Variants in CDH18 observed in about 807,000 individuals in gnomAD.
The protein encoded by CDH18 is cadherin-18.
In CDH18, 31 loss-of-function variants were observed where a neutral mutation model predicts 67.9. The ratio of observed to expected loss-of-function variants is 0.46; its 90% CI spans 0.34 to 0.62. The LOEUF (loss-of-function observed/expected upper bound fraction) is 0.62, where lower values mean the gene tolerates loss of function less well. Among genes scored for constraint, CDH18 ranks in the 20% least tolerant of loss-of-function variants. CDH18 has a pLI of 0.01. For missense variants in CDH18, 890 were observed against 975.5 expected (o/e 0.91, Z 1.17); for synonymous variants, 362 against 347.2 (o/e 1.04, Z -0.48).
At chr5:19,489,517 G>A (rs756429240) in intron 11 of CDH18, among the ~76,000 whole-genome samples, 2 of 151,986 alleles carry the variant, frequency 1.3e-5, no homozygotes, top group African/African-American at 2.4e-5. Flanking sequence ...ATAGTGCTGG[G>A]ATTACAGGTG....
intron 2 of CDH18, among the ~76,000 whole-genome samples, chr5:20,196,200 C>A (rs947064709): frequency 2.0e-5 from 3 of 152,058 alleles, no homozygotes. Context: ...CACCTAACAG[C>A]AGTATTTTGA....
intron 2 of CDH18, among the ~76,000 whole-genome samples, chr5:20,164,856 A>C (rs1736168143): frequency 6.6e-6 from 1 of 152,162 alleles, no homozygotes. Context: ...TGTTTGCATA[A>C]CCCATCTCAT....
intron 2 of CDH18, among the ~76,000 whole-genome samples, chr5:19,936,636 A>T (rs1373624178): frequency 2.0e-5 from 3 of 151,158 alleles, no homozygotes. Context: ...AAGAAAAAAA[A>T]TAAAAACTAG....
chr5:19,804,063 G>A (rs1581421857), intron 3 of CDH18: 1 of 151,446 alleles, frequency 6.6e-6, no homozygotes, highest in Non-Finnish European at 1.5e-5. Context: ...GGAGCTTGCA[G>A]TGAGCGGAGA....
At chr5:19,682,183 C>T (rs888425349) in intron 5 of CDH18, among the ~76,000 whole-genome samples, 3 of 152,058 alleles carry the variant, frequency 2.0e-5, no homozygotes, top group African/African-American at 7.2e-5. Flanking sequence ...GACAGCTGCT[C>T]CCTCTTCAAT....
chr5:19,821,083 C>T (rs1047414014), intron 3 of CDH18, among the ~76,000 whole-genome samples: 9 of 152,020 alleles, frequency 5.9e-5, no homozygotes, highest in Admixed American at 1.3e-4. Flanking sequence ...CACTAGCTCC[C>T]CGGCAATGGA....
chr5:19,770,567 C>A (rs1345221446), intron 3 of CDH18, among the ~76,000 whole-genome samples: 1 of 151,398 alleles, frequency 6.6e-6, no homozygotes, highest in Non-Finnish European at 1.5e-5. Context: ...AGTATGCCAG[C>A]TAAGAAAACT....
chr5:19,479,528 T>C (rs1225182704), intron 12 of CDH18, among the ~76,000 whole-genome samples: 7 of 152,176 alleles, frequency 4.6e-5, no homozygotes, highest in Non-Finnish European at 7.4e-5. Flanking sequence ...TTATAATATA[T>C]AATTGTAGTT....
intron 3 of CDH18, among the ~76,000 whole-genome samples, chr5:19,786,994 C>T (rs1775864735): frequency 6.6e-6 from 1 of 152,096 alleles, no homozygotes; most frequent in Non-Finnish European, 1.5e-5. Flanking sequence ...TGAGAGAGGA[C>T]AAGATCCCCT....
intron 5 of CDH18, among the ~76,000 whole-genome samples, chr5:19,649,604 T>C (rs529663258): frequency 3.3e-5 from 5 of 152,114 alleles, no homozygotes; most frequent in Admixed American, 2.6e-4. Context: ...ATACCTGCAA[T>C]AGACACTTTA....
intron 1 of CDH18, among the ~76,000 whole-genome samples, chr5:20,512,591 T>C (rs758395918): frequency 6.6e-6 from 1 of 152,050 alleles, no homozygotes; most frequent in Non-Finnish European, 1.5e-5. Context: ...AGCTAAAAAC[T>C]TGACTCAGCT....
chr5:20,078,280 G>A (rs909378888), intron 2 of CDH18, among the ~76,000 whole-genome samples: 1 of 151,916 alleles, frequency 6.6e-6, no homozygotes, highest in Non-Finnish European at 1.5e-5. Flanking sequence ...GGCCAACATG[G>A]TGAAACCCTG....
rs151082440 is a variant in CDH18, at chr5:19,685,475, C to T, written c.643+35872G>A. On this transcript the variant is annotated intron_variant, in intron 5 of 12. Coordinates refer to ENST00000382275, the MANE Select transcript of CDH18 (RefSeq NM_004934.5). ...CTTGGTGCGTTATTAGGAACAACTT[C>T]CTTTCTGACTGTCTCCCACCCTTTC... Among the ~76,000 whole-genome samples, 6 of 152,292 alleles carry T rather than the reference C, an allele frequency of 3.9e-5. No homozygotes were observed. The East Asian group carries it at 1.2e-3, about 29-fold the overall frequency.
chr5:19,607,549 T>C (rs1378366808), intron 6 of CDH18, among the ~76,000 whole-genome samples: 1 of 150,988 alleles, frequency 6.6e-6, no homozygotes, highest in African/African-American at 2.4e-5. Context: ...AATTAAATAA[T>C]TCAAAGAATA....
chr5:19,533,751 T>C (rs1313928450), intron 9 of CDH18, among the ~76,000 whole-genome samples: 1 of 152,052 alleles, frequency 6.6e-6, no homozygotes, highest in African/African-American at 2.4e-5. Context: ...AAAAAAGCCA[T>C]ATTTACAGAT....
At chr5:20,189,500 T>C (rs1738368134) in intron 2 of CDH18, among the ~76,000 whole-genome samples, 1 of 152,166 alleles carries the variant, frequency 6.6e-6, no homozygotes, top group Non-Finnish European at 1.5e-5. Context: ...TAAAATTTTA[T>C]GTATTATATA....
intron 2 of CDH18, among the ~76,000 whole-genome samples, chr5:19,954,029 AT>A (rs1388993106): frequency 6.6e-6 from 1 of 152,050 alleles, no homozygotes; most frequent in African/African-American, 2.4e-5. Flanking sequence ...GGAGACAGTA[AT>A]TGGTCATTTT....
intron 2 of CDH18, among the ~76,000 whole-genome samples, chr5:19,924,507 T>C (rs756163503): frequency 6.6e-6 from 1 of 151,848 alleles, no homozygotes; most frequent in Non-Finnish European, 1.5e-5. Context: ...GCGCCTATAA[T>C]CCCAGCTACT....
chr5:20,456,418 A>G (rs1450813528), intron 1 of CDH18, among the ~76,000 whole-genome samples: 3 of 152,070 alleles, frequency 2.0e-5, no homozygotes, highest in Non-Finnish European at 4.4e-5. Context: ...TATTTTATTT[A>G]TTTATTTTCA....
Sources: allele counts gnomAD v4.1 joint callset (sites outside exome capture counted in the v4.1 genomes callset), GRCh38; gene constraint gnomAD v4.1.1; transcripts MANE v1.5; gene names NCBI Gene and HGNC (gene_info 2026-07-23, HGNC 2026-07-21).